The following KLHL29 variants were observed in gnomAD, a reference collection of about 807,000 sequenced individuals.
KLHL29 encodes kelch like family member 29.
Under a neutral mutation model 80.4 loss-of-function variants are expected in KLHL29, and 21 were observed. The ratio of observed to expected loss-of-function variants is 0.26; its 90% CI spans 0.19 to 0.38. The LOEUF (loss-of-function observed/expected upper bound fraction) is 0.38. Ranked by LOEUF, KLHL29 falls within the 10% of genes least tolerant of loss-of-function variation. KLHL29 has a pLI of 1.00. For synonymous variants in KLHL29, 511 were observed against 526.8 expected, an observed-to-expected ratio of 0.97 and a Z score of 0.41; for missense variants, 867 against 1,223.9, an observed-to-expected ratio of 0.71 and a Z score of 4.35.
chr2:23,520,342 G>A (rs970801578), intron 2 of KLHL29, among the ~76,000 whole-genome samples: 1 of 152,124 alleles, frequency 6.6e-6, no homozygotes, highest in Admixed American at 6.5e-5. Flanking sequence ...TGCCTGATCT[G>A]CACCCAGGGA....
At chr2:23,397,424 G>A (rs1666477064) in intron 1 of KLHL29, among the ~76,000 whole-genome samples, 1 of 152,270 alleles carries the variant, frequency 6.6e-6, no homozygotes, top group Admixed American at 6.5e-5. Context: ...GGAGGCAGCA[G>A]GGGTGGGGTG....
chr2:23,697,945 TTCTG>T (rs1672076128), intron 11 of KLHL29: 1 of 152,248 alleles, frequency 6.6e-6, no homozygotes, highest in Admixed American at 6.5e-5. Flanking sequence ...GGATCCGTCA[TTCTG>T]TCTTGCTTTT....
chr2:23,659,930 A>G (rs767650044), intron 5 of KLHL29, among the ~76,000 whole-genome samples: 4 of 151,852 alleles, frequency 2.6e-5, no homozygotes, highest in Non-Finnish European at 5.9e-5. Flanking sequence ...CCCTGCTTGG[A>G]GCCCTTCAGG....
At chr2:23,687,564 G>A (rs753095607) in intron 6 of KLHL29, among the ~76,000 whole-genome samples, 22 of 152,236 alleles carry the variant, frequency 1.4e-4, no homozygotes, top group Non-Finnish European at 2.4e-4. Flanking sequence ...TGAGCCCACA[G>A]TCTGGTGGGG....
chr2:23,624,807 A>G (rs1344407498), intron 3 of KLHL29, among the ~76,000 whole-genome samples: 1 of 152,222 alleles, frequency 6.6e-6, no homozygotes, highest in East Asian at 1.9e-4. Context: ...AAGTACTAAT[A>G]GCTGCCATTT....
At chr2:23,465,259 A>T (rs761412097) in intron 1 of KLHL29, among the ~76,000 whole-genome samples, 3 of 152,184 alleles carry the variant, frequency 2.0e-5, no homozygotes, top group Non-Finnish European at 2.9e-5. Flanking sequence ...TTGGGTGCTG[A>T]TGGGAGCCCT....
At chr2:23,458,784 G>C (rs779515212) in intron 1 of KLHL29, among the ~76,000 whole-genome samples, 24 of 152,214 alleles carry the variant, frequency 1.6e-4, no homozygotes, top group Non-Finnish European at 3.2e-4. Context: ...GGTCATAGCG[G>C]AGAGGAGAAC....
At chr2:23,459,818 G>A (rs999819465) in intron 1 of KLHL29, among the ~76,000 whole-genome samples, 1 of 152,192 alleles carries the variant, frequency 6.6e-6, no homozygotes. Context: ...AGTGGAAACC[G>A]TCCATTGGAT....
At chr2:23,488,807 C>T (rs1429345419) in intron 2 of KLHL29, among the ~76,000 whole-genome samples, 1 of 152,202 alleles carries the variant, frequency 6.6e-6, no homozygotes, top group Admixed American at 6.5e-5. Context: ...TGCCTCTGAC[C>T]TTGGCTGTTC....
At chr2:23,555,209 A>G (rs1667254985) in intron 2 of KLHL29, among the ~76,000 whole-genome samples, 1 of 150,764 alleles carries the variant, frequency 6.6e-6, no homozygotes, top group Non-Finnish European at 1.5e-5. Flanking sequence ...GGGCCTCGGG[A>G]GCTGTGCATG....
chr2:23,524,842 A>C (rs938024415), intron 2 of KLHL29, among the ~76,000 whole-genome samples: 2 of 152,240 alleles, frequency 1.3e-5, no homozygotes, highest in Non-Finnish European at 1.5e-5. Context: ...GCCTCTCAGC[A>C]AAAGAATTGG....
chr2:23,628,210 C>G (rs923685620), intron 3 of KLHL29, among the ~76,000 whole-genome samples: 1 of 152,070 alleles, frequency 6.6e-6, no homozygotes, highest in Non-Finnish European at 1.5e-5. Context: ...GCACCCAGCC[C>G]GAGCCCAGGA....
chr2:23,639,012 T>G, intron 3 of KLHL29, 127 bp from the exon 4 acceptor site: 1 of 876,246 alleles, frequency 1.1e-6, no homozygotes, highest in Non-Finnish European at 1.7e-6. Context: ...CCTCTGACCC[T>G]GTACTCAGTG....
intron 1 of KLHL29, among the ~76,000 whole-genome samples, chr2:23,445,977 TTA>T (rs1558341220): frequency 6.6e-6 from 1 of 152,250 alleles, no homozygotes; most frequent in Non-Finnish European, 1.5e-5. Context: ...ATTAGAGAGA[TTA>T]AGCCTTTTTC....
intron 2 of KLHL29, among the ~76,000 whole-genome samples, chr2:23,533,772 G>A (rs1196418349): frequency 5.3e-5 from 8 of 152,304 alleles, no homozygotes; most frequent in African/African-American, 1.2e-4. Flanking sequence ...TAGAAGATCC[G>A]CTTGTGGACA....
At chr2:23,420,475 G>T (rs959626288) in intron 1 of KLHL29, among the ~76,000 whole-genome samples, 1 of 152,196 alleles carries the variant, frequency 6.6e-6, no homozygotes, top group Non-Finnish European at 1.5e-5. Context: ...GGGCTGTCTG[G>T]AGTCCTCCAT....
intron 5 of KLHL29, among the ~76,000 whole-genome samples, chr2:23,654,528 A>C (rs1189694769): frequency 6.6e-6 from 1 of 152,132 alleles, no homozygotes; most frequent in African/African-American, 2.4e-5. Context: ...CAGAAAGCAG[A>C]GATGTGGATG....
rs1384500883 is a variant in KLHL29, at chr2:23,642,429, C to A, written c.519C>A (p.Ser173Arg). ...GAGTGGCCCAGCCTCCCACCTTCAGCCCGGCTGTGAACGTCCAGGCCCCGG... is the reference window on the plus strand; with the variant it reads ...GAGTGGCCCAGCCTCCCACCTTCAGACCGGCTGTGAACGTCCAGGCCCCGG... ...SYGVAQPPTF[S>R]PAVNVQAPVI... is the part of the protein sequence containing the mutation. Residue 173 changes from serine (S) to arginine (R), a missense_variant, in exon 5 of 14, where the codon AGC becomes AGA. Coordinates refer to ENST00000486442, the MANE Select transcript of KLHL29 (RefSeq NM_052920.2). The A allele has an allele frequency of 1.6e-5, 24 of 1,494,750 alleles. No individual in the cohort carries two copies. The highest frequency in any genetic ancestry group is 2.8e-5 in the African/African-American group (2 of 71,828). The allele number at this position is 1,494,750 out of a possible 1,614,324, so 92.6% of individuals were successfully genotyped here.
intron 1 of KLHL29, among the ~76,000 whole-genome samples, chr2:23,458,661 T>C (rs943391066): frequency 6.6e-6 from 1 of 152,256 alleles, no homozygotes; most frequent in Non-Finnish European, 1.5e-5. Context: ...CAAGAGTTGC[T>C]GCTTTTGTTG....
Sources: gnomAD v4.1 joint callset for allele counts (sites outside exome capture counted in the v4.1 genomes callset) on GRCh38, gnomAD v4.1.1 for gene constraint, MANE v1.5 for transcripts, NCBI Gene and HGNC (gene_info 2026-07-23, HGNC 2026-07-21) for gene names.